The following TCERG1 variants were observed in gnomAD, a reference collection of about 807,000 sequenced individuals.
TCERG1 encodes TATA box binding protein (TBP)-associated factor, RNA polymerase II, S, 150kD.
In TCERG1, 37 loss-of-function variants were observed where a neutral mutation model predicts 144.7. The observed-to-expected ratio is 0.26, with a 90% CI of 0.20 to 0.34. The LOEUF is 0.34. Among genes scored for constraint, TCERG1 ranks in the 10% least tolerant of loss-of-function variants. The probability of loss-of-function intolerance (pLI) is 1.00; values close to 1 mark genes in which losing one functional copy is unlikely to be tolerated. For synonymous variants in TCERG1, 492 were observed against 458.2 expected (o/e 1.07, Z -0.94); for missense variants, 1,027 against 1,380.7 (o/e 0.74, Z 4.06).
rs902078716 is a variant in TCERG1, at chr5:146,457,167, T to A, written c.286-16T>A. On this transcript the variant is annotated splice_polypyrimidine_tract_variant and intron_variant, in intron 2 of 22. Transcript: ENST00000679501. Reference sequence around the variant, plus strand: ...AAGTAATTAAAGTGACCATTACTGTTTTTGTGAATTAACAGAGACCACCTT... The same window carrying A: ...AAGTAATTAAAGTGACCATTACTGTATTTGTGAATTAACAGAGACCACCTT... 1 of 1,608,580 alleles carries A rather than the reference T, an allele frequency of 6.2e-7. No individual in the cohort carries two copies. Among genetic ancestry groups the A allele is most frequent in the Non-Finnish European group, 8.5e-7 (1 of 1,177,552 alleles).
intron 1 of TCERG1, among the ~76,000 whole-genome samples, chr5:146,452,660 G>T (rs1041605801): frequency 6.6e-6 from 1 of 152,142 alleles, no homozygotes; most frequent in Non-Finnish European, 1.5e-5. Context: ...CACAATCTCG[G>T]CTCACTGCAA....
Position 146,459,260 on chromosome 5 carries a change from C to T in TCERG1, c.815C>T (p.Thr272Ile), listed in dbSNP as rs916697712. The T allele has an allele frequency of 8.1e-6, 13 of 1,614,298 alleles. No individual in the cohort carries two copies. Among genetic ancestry groups the T allele is most frequent in the Non-Finnish European group, 1.1e-5 (13 of 1,180,060 alleles). Residue 272 changes from threonine (T) to isoleucine (I), a missense_variant, in exon 4 of 23, where the codon ACT becomes ATT. By Grantham distance (89) the Thr-to-Ile change is moderately conservative. This residue lies in a region of TCERG1 where 187 missense variants were observed against 169.1 expected (regional missense o/e 1.11). Coordinates refer to ENST00000679501, the MANE Select transcript of TCERG1 (RefSeq NM_001382548.1). ...TTSSPAPAVS[T>I]STSSSTPSST... Reference sequence around the variant, plus strand: ...AGTAGCCCAGCACCTGCAGTATCCACTTCAACATCATCATCCACCCCTTCC... The same window carrying T: ...AGTAGCCCAGCACCTGCAGTATCCATTTCAACATCATCATCCACCCCTTCC...
At position 146,505,087 on chromosome 5, in the gene TCERG1, TAAA is replaced by T. The variant is rs58813480; in HGVS notation, c.2781+1097_2781+1099del. Among the ~76,000 whole-genome samples the T allele has an allele frequency of 3.6e-3, 410 of 112,442 alleles. 4 individuals carry two copies. The highest frequency in any genetic ancestry group is 0.012 in the African/African-American group (360 of 30,854). The allele number at this position is 112,442 out of a possible 152,430, so 73.8% of individuals were successfully genotyped here. ...TTAACACTAATGATAGCCAATGAGC[TAAA>T]AAAAAAAAAAAAAAAGGACAAAAAC... On this transcript the variant is annotated intron_variant, in intron 19 of 22. Coordinates refer to ENST00000679501, the MANE Select transcript of TCERG1 (RefSeq NM_001382548.1).
At chr5:146,469,403 C>CT in intron 6 of TCERG1, 141 bp from the exon 7 acceptor site, 1 of 634,352 alleles carries the variant, frequency 1.6e-6, no homozygotes, top group South Asian at 3.7e-5. Context: ...TTTATGTCAC[C>CT]TTTTTATATG....
intron 3 of TCERG1, among the ~76,000 whole-genome samples, chr5:146,458,169 T>C (rs9763419): frequency 0.18 from 27,138 of 151,442 alleles, 3,712 homozygotes; most frequent in East Asian, 0.79. Context: ...TTTTATTTTA[T>C]TTTATTTTTT....
At chr5:146,485,116 T>C (rs986262110) in intron 15 of TCERG1, among the ~76,000 whole-genome samples, 4 of 152,214 alleles carry the variant, frequency 2.6e-5, no homozygotes, top group African/African-American at 9.7e-5. Flanking sequence ...TGATGGTCTT[T>C]TTTAATGTCT....
intron 21 of TCERG1, among the ~76,000 whole-genome samples, chr5:146,508,504 TC>T (rs1331901181): frequency 1.3e-5 from 2 of 152,142 alleles, no homozygotes; most frequent in East Asian, 3.8e-4. Context: ...CTAATATTCT[TC>T]CCCCTCAAAG....
At position 146,498,686 on chromosome 5, in the gene TCERG1, G is replaced by C; in HGVS notation, c.2433G>C (p.Lys811Asn). ...AAGATTCGAAGACCAGAGGTGAGAA[G>C]GTAAGATGGTTTTAGTTCCAGTGGT... ...EKEDSKTRGE[K>N]IKSDFFELLS... is the part of the protein sequence containing the mutation. Residue 811 changes from lysine (K) to asparagine (N), a missense_variant and splice_region_variant, in exon 17 of 23, where the codon AAG (lysine) becomes AAC (asparagine). Transcript: ENST00000679501. 1 of 1,606,532 alleles carries C rather than the reference G, an allele frequency of 6.2e-7. No individual in the cohort carries two copies. Among genetic ancestry groups the C allele is most frequent in the Non-Finnish European group, 8.5e-7 (1 of 1,177,276 alleles).
intron 3 of TCERG1, 136 bp from the exon 4 acceptor site, chr5:146,458,748 G>A (rs970978912): frequency 7.1e-6 from 9 of 1,261,546 alleles, no homozygotes; most frequent in Admixed American, 2.7e-5. Flanking sequence ...CAAAGTGCTG[G>A]GATTACAGGA....
chr5:146,484,999 G>C (rs1765699160), intron 15 of TCERG1, among the ~76,000 whole-genome samples: 1 of 152,182 alleles, frequency 6.6e-6, no homozygotes, highest in Non-Finnish European at 1.5e-5. Context: ...TTAAGTCACT[G>C]TTCCCTTGCT....
intron 17 of TCERG1, 194 bp from the exon 18 acceptor site, chr5:146,503,181 T>G (rs1247064575): frequency 1.0e-5 from 4 of 398,688 alleles, no homozygotes; most frequent in African/African-American, 2.0e-5. Context: ...TGCTTGTCGA[T>G]GTTTACATTT....
At chr5:146,451,882 G>A (rs927949093) in intron 1 of TCERG1, among the ~76,000 whole-genome samples, 15 of 151,376 alleles carry the variant, frequency 9.9e-5, no homozygotes, top group African/African-American at 3.6e-4. Context: ...CTGCCTCCTG[G>A]GTTTGAGTGA....
intron 15 of TCERG1, 61 bp from the exon 16 acceptor site, chr5:146,492,859 T>A (rs1213344116): frequency 8.6e-7 from 1 of 1,166,424 alleles, no homozygotes; most frequent in African/African-American, 1.5e-5. Context: ...GTCCAATAAT[T>A]TGGTAGTTAA....
At chr5:146,451,789 A>AT (rs1240206632) in intron 1 of TCERG1, among the ~76,000 whole-genome samples, 1 of 144,484 alleles carries the variant, frequency 6.9e-6, no homozygotes, top group Non-Finnish European at 1.5e-5. Flanking sequence ...TTTTTTTTTA[A>AT]TTTTTTAATT....
At chr5:146,497,506 G>C (rs1767037117) in intron 16 of TCERG1, among the ~76,000 whole-genome samples, 1 of 152,074 alleles carries the variant, frequency 6.6e-6, no homozygotes, top group Non-Finnish European at 1.5e-5. Context: ...TCTTGGGTTT[G>C]GTTTCTATTG....
intron 8 of TCERG1, among the ~76,000 whole-genome samples, chr5:146,471,196 G>T (rs1034332541): frequency 1.3e-5 from 2 of 152,198 alleles, no homozygotes; most frequent in Non-Finnish European, 2.9e-5. Flanking sequence ...GCAGAAATAA[G>T]AAACAACCTT....
intron 4 of TCERG1, 38 bp downstream of exon 4, chr5:146,459,375 A>G (rs1164395736): frequency 1.3e-6 from 2 of 1,591,232 alleles, no homozygotes; most frequent in Non-Finnish European, 1.7e-6. Context: ...TATAGGGGCT[A>G]GAGACATGAA....
chr5:146,471,395 T>C (rs936349996), intron 8 of TCERG1, 93 bp from the exon 9 acceptor site: 1 of 1,117,300 alleles, frequency 9.0e-7, no homozygotes, highest in East Asian at 2.5e-5. Flanking sequence ...GATTTTGTGT[T>C]GATTGCACTT....
chr5:146,448,915 C>G (rs1198914295), intron 1 of TCERG1, among the ~76,000 whole-genome samples: 1 of 152,138 alleles, frequency 6.6e-6, no homozygotes, highest in African/African-American at 2.4e-5. Flanking sequence ...AAGTATCTTT[C>G]TAAAGCTTTA....
Sources: allele counts gnomAD v4.1 joint callset (sites outside exome capture counted in the v4.1 genomes callset), GRCh38; gene constraint gnomAD v4.1.1; regional missense constraint gnomAD v4.1.1; transcripts MANE v1.5; gene names NCBI Gene and HGNC (gene_info 2026-07-23, HGNC 2026-07-21).